Variants in KLC3 observed in about 807,000 individuals in gnomAD.
KLC3 encodes kinesin light chain 2.
Under a neutral mutation model 62.9 loss-of-function variants are expected in KLC3, and 72 were observed. The observed-to-expected ratio is 1.15, with a 90% confidence interval of 0.95 to 1.39. The LOEUF (loss-of-function observed/expected upper bound fraction) is 1.39, where lower values mean the gene tolerates loss of function less well. Among genes scored for constraint, KLC3 ranks in the 40% most tolerant of loss-of-function variants. The pLI is 0.00. For synonymous variants in KLC3, 377 were observed against 300.5 expected (o/e 1.25, Z -2.63); for missense variants, 848 against 691.6 (o/e 1.23, Z -2.54).
rs373031387 is a variant in KLC3 at position 45,350,431 on chromosome 19, G to A, written c.1234G>A (p.Gly412Ser). Reference sequence around the variant, plus strand: ...CAAGGAGGACCTACCCGCCCCTCTCGGTGAGCCCCTAGCCCCTGTCTGTCT... The same window carrying A: ...CAAGGAGGACCTACCCGCCCCTCTCAGTGAGCCCCTAGCCCCTGTCTGTCT... ...LHKEDLPAPLGAPNTGTAGDA... is the reference protein window; with the variant it reads ...LHKEDLPAPLSAPNTGTAGDA... Residue 412 changes from glycine (G) to serine (S), a missense_variant and splice_region_variant, in exon 9 of 13, where the codon GGT (glycine) becomes AGT (serine). Physicochemically the swap from Gly to Ser is moderately conservative, Grantham distance 56. Transcript: ENST00000391946. 4.5e-5 allele frequency: 73 copies of A among 1,612,278 alleles called. No individual in the cohort carries two copies. Among genetic ancestry groups the A allele is most frequent in the Middle Eastern group, 1.6e-4 (1 of 6,082 alleles).
At chr19:45,341,366 A>G (rs1971390609) in intron 1 of KLC3, among the ~76,000 whole-genome samples, 1 of 152,006 alleles carries the variant, frequency 6.6e-6, no homozygotes. Flanking sequence ...GTGTGTGTGT[A>G]GAATTGGATT....
At chr19:45,350,865 C>T (rs762568700) in intron 11 of KLC3, 89 bp from the exon 12 acceptor site, 6 of 1,427,844 alleles carry the variant, frequency 4.2e-6, no homozygotes, top group Non-Finnish European at 5.8e-6. Context: ...CTGTGATACA[C>T]ACAGATCAAA....
intron 7 of KLC3, 46 bp downstream of exon 7, chr19:45,348,967 A>G: frequency 2.0e-6 from 3 of 1,488,774 alleles, no homozygotes; most frequent in Non-Finnish European, 2.7e-6. Context: ...TGTCCCATGT[A>G]GCCCTCCCCA....
chr19:45,349,976 G>T (rs971206320), intron 8 of KLC3: 4 of 418,768 alleles, frequency 9.6e-6, no homozygotes, highest in Non-Finnish European at 1.7e-5. Flanking sequence ...AGGCACCGAG[G>T]CCATGCCACC....
At chr19:45,348,383 C>CA (rs1179432734) in intron 5 of KLC3, among the ~76,000 whole-genome samples, 3 of 151,448 alleles carry the variant, frequency 2.0e-5, no homozygotes, top group African/African-American at 7.3e-5. Flanking sequence ...AGAGAGGAGT[C>CA]AGAGAGCACG....
At chr19:45,343,247 A>G (rs557089067) in intron 1 of KLC3, among the ~76,000 whole-genome samples, 9 of 152,138 alleles carry the variant, frequency 5.9e-5, no homozygotes, top group Admixed American at 2.6e-4. Context: ...GTCAAGTGCA[A>G]GGAGATGGTC....
chr19:45,341,715 G>A (rs924191930), intron 1 of KLC3, among the ~76,000 whole-genome samples: 4 of 149,964 alleles, frequency 2.7e-5, no homozygotes, highest in Admixed American at 6.7e-5. Flanking sequence ...TTCATGGGAC[G>A]GTGCGCGTGG....
rs972629521 is a variant in KLC3 at position 45,346,617 on chromosome 19, G to A, written c.332G>A (p.Arg111Gln). The A allele has an allele frequency of 7.7e-6, 12 of 1,551,034 alleles. No homozygotes were observed. The highest frequency in any genetic ancestry group is 2.4e-5 in the East Asian group (1 of 41,014). ...CAGCGGCTGCGCTCGCAGGCCCGGC[G>A]GCTGGCCCAGGAGAACGTGTGGCTG... ...EKQRLRSQAR[R>Q]LAQENVWLRE... Residue 111 changes from arginine (R) to glutamine (Q), a missense_variant, in exon 3 of 13, where the codon CGG becomes CAG. Transcript: ENST00000391946.
At position 45,351,509 on chromosome 19, in the gene KLC3, CG is replaced by C. The variant is rs3916890; in HGVS notation, c.*153del. 0.037 allele frequency: 58,885 copies of C among 1,598,270 alleles called. 1,201 individuals carry two copies. Among genetic ancestry groups the C allele is most frequent in the Non-Finnish European group, 0.041 (48,522 of 1,177,242 alleles). ...TTCTCCTGCGATTAAAGGCTGTGGA[CG>C]TGACAGTGAGAAATGTCACCTGACT... On this transcript the variant is annotated 3_prime_UTR_variant, in exon 13 of 13. Transcript: ENST00000391946.
chr19:45,350,244 A>G (rs1971661654), intron 8 of KLC3, 97 bp from the exon 9 acceptor site: 2 of 876,444 alleles, frequency 2.3e-6, no homozygotes, highest in South Asian at 1.6e-5. Context: ...CAACATACCA[A>G]GACCCCTGTC....
At chr19:45,344,215 T>C (rs1971444347) in intron 1 of KLC3, among the ~76,000 whole-genome samples, 2 of 119,208 alleles carry the variant, frequency 1.7e-5, no homozygotes, top group Admixed American at 8.2e-5. Context: ...GTGTACCGTC[T>C]TTTTTTTTTT....
intron 1 of KLC3, among the ~76,000 whole-genome samples, chr19:45,342,186 A>G (rs930517545): frequency 1.3e-5 from 2 of 151,964 alleles, no homozygotes; most frequent in African/African-American, 2.4e-5. Context: ...TGTGTGAAGA[A>G]TGGTTGTGGT....
intron 7 of KLC3, 59 bp from the exon 8 acceptor site, chr19:45,349,370 A>G (rs1269853921): frequency 6.6e-7 from 1 of 1,506,192 alleles, no homozygotes; most frequent in Non-Finnish European, 9.0e-7. Flanking sequence ...TACAGCAGTG[A>G]TGTCACGTGT....
rs1037717813 is a variant in KLC3, at chr19:45,351,454, T to A, written c.*97T>A. The stretch of plus-strand genomic sequence containing the variant: ...GGGTCTATCATCTCCTGGCCCCCCC[T>A]TGCCTCTGGGTACCTGGTGGATAGC... On this transcript the variant is annotated 3_prime_UTR_variant, in exon 13 of 13. Transcript: ENST00000391946. The A allele has an allele frequency of 1.4e-5, 22 of 1,583,034 alleles. 1 individual carries two copies. The South Asian group carries it at 2.1e-4, about 15-fold the overall frequency.
chr19:45,351,249 C>T, intron 12 of KLC3, 37 bp from the exon 13 acceptor site: 1 of 692,374 alleles, frequency 1.4e-6, no homozygotes, highest in Non-Finnish European at 2.1e-6. Flanking sequence ...ACTTGCCCCT[C>T]ACCTCCCCTC....
At position 45,350,946 on chromosome 19, in the gene KLC3, C is replaced by G. The variant is rs372478319; in HGVS notation, c.1380-8C>G. ...TCACTCATTTCCTCCCTGCTGCCCT[C>G]TTTGCAGAATGAAGAGAGCCATGTC... is the stretch of plus-strand genomic sequence containing the variant. On this transcript the variant is annotated splice_polypyrimidine_tract_variant and splice_region_variant and intron_variant, in intron 11 of 12. Coordinates refer to ENST00000391946, the MANE Select transcript of KLC3 (RefSeq NM_177417.3). 2.7e-5 allele frequency: 44 copies of G among 1,614,074 alleles called. No homozygotes were observed. The African/African-American group carries it at 5.3e-4, about 20-fold the overall frequency.
chr19:45,349,782 G>C (rs892859754), intron 8 of KLC3, 180 bp downstream of exon 8: 3 of 600,454 alleles, frequency 5.0e-6, no homozygotes, highest in South Asian at 2.4e-5. Flanking sequence ...CAGGAAACGC[G>C]TAAGTCCACG....
At position 45,349,456 on chromosome 19, in the gene KLC3, G is replaced by A; in HGVS notation, c.997G>A (p.Ala333Thr). 6.2e-7 allele frequency: 1 copy of A among 1,612,646 alleles called. No homozygotes were observed. Among genetic ancestry groups the A allele is most frequent in the South Asian group, 1.1e-5 (1 of 90,956 alleles). ...CCTGGGTGCTGACCACCCAGATGTG[G>A]CCAAGCAGCTCAACAACCTGGCCCT... ...KVLGADHPDV[A>T]KQLNNLALLC... The change falls in exon 8 of 13, where the codon GCC becomes ACC. Residue 333 changes from alanine to threonine, a missense_variant. Coordinates refer to ENST00000391946, the MANE Select transcript of KLC3 (RefSeq NM_177417.3).
chr19:45,341,309 T>G (rs550823277), intron 1 of KLC3, among the ~76,000 whole-genome samples: 2 of 152,000 alleles, frequency 1.3e-5, no homozygotes, highest in Admixed American at 6.6e-5. Flanking sequence ...GTGTATGATG[T>G]GACACTTTTA....
Sources: allele counts gnomAD v4.1 joint callset (sites outside exome capture counted in the v4.1 genomes callset), GRCh38; gene constraint gnomAD v4.1.1; transcripts MANE v1.5; gene names NCBI Gene and HGNC (gene_info 2026-07-23, HGNC 2026-07-21).